DGKI: variants seen among roughly 807,000 people sequenced by gnomAD.
The protein encoded by DGKI is diacylglycerol kinase iota.
In DGKI, 55 loss-of-function variants were observed where a neutral mutation model predicts 147.5. The observed-to-expected ratio is 0.37, with a 90% CI of 0.30 to 0.47. The LOEUF is 0.47. Among genes scored for constraint, DGKI ranks in the 20% least tolerant of loss-of-function variants. DGKI has a pLI of 1.00. For missense variants in DGKI, 1,007 were observed against 1,323.8 expected (o/e 0.76, Z 3.71); for synonymous variants, 469 against 477.1 (o/e 0.98, Z 0.22).
intron 30 of DGKI, among the ~76,000 whole-genome samples, chr7:137,398,681 C>T (rs975145964): frequency 6.6e-6 from 1 of 152,024 alleles, no homozygotes; most frequent in African/African-American, 2.4e-5. Context: ...TTTCATAATT[C>T]TCCTGGTCAT....
chr7:137,498,927 C>G (rs1816070767), intron 21 of DGKI, among the ~76,000 whole-genome samples: 1 of 152,164 alleles, frequency 6.6e-6, no homozygotes, highest in Non-Finnish European at 1.5e-5. Context: ...CAACTTAACA[C>G]CTGCCAAGGA....
intron 1 of DGKI, among the ~76,000 whole-genome samples, chr7:137,742,014 C>T (rs1441610164): frequency 3.3e-5 from 5 of 152,174 alleles, no homozygotes; most frequent in African/African-American, 9.7e-5. Context: ...GTACACAGCA[C>T]GTCCTTAGTG....
chr7:137,497,586 T>A (rs1424170499), intron 21 of DGKI, among the ~76,000 whole-genome samples: 3 of 152,020 alleles, frequency 2.0e-5, no homozygotes, highest in African/African-American at 7.3e-5. Flanking sequence ...GTGGGACATA[T>A]ACACCATGCA....
intron 1 of DGKI, among the ~76,000 whole-genome samples, chr7:137,731,045 A>G (rs1488771475): frequency 6.6e-6 from 1 of 152,020 alleles, no homozygotes; most frequent in Non-Finnish European, 1.5e-5. Context: ...CTCAGCCACA[A>G]TGGCCCTCCT....
intron 15 of DGKI, among the ~76,000 whole-genome samples, chr7:137,580,245 T>C (rs1819141787): frequency 6.6e-6 from 1 of 152,082 alleles, no homozygotes; most frequent in Admixed American, 6.6e-5. Flanking sequence ...AAGCCCAGGA[T>C]CTGGATCCTG....
At chr7:137,560,080 C>T (rs993973718) in intron 19 of DGKI, among the ~76,000 whole-genome samples, 9 of 152,130 alleles carry the variant, frequency 5.9e-5, no homozygotes, top group East Asian at 3.9e-4. Flanking sequence ...TAAGTCACAA[C>T]GAAACACAAT....
intron 3 of DGKI, among the ~76,000 whole-genome samples, chr7:137,665,518 T>C (rs956368992): frequency 6.6e-5 from 10 of 152,330 alleles, no homozygotes; most frequent in Non-Finnish European, 1.2e-4. Flanking sequence ...GAAAACTCAC[T>C]TGATGCTCTT....
At chr7:137,728,694 A>G (rs772252156) in intron 1 of DGKI, among the ~76,000 whole-genome samples, 21 of 152,140 alleles carry the variant, frequency 1.4e-4, no homozygotes, top group Admixed American at 5.2e-4. Context: ...GCTCAGACAG[A>G]TATCACCAGC....
At chr7:137,572,587 C>T (rs1173149677) in intron 18 of DGKI, among the ~76,000 whole-genome samples, 178 bp downstream of exon 18, 1 of 152,102 alleles carries the variant, frequency 6.6e-6, no homozygotes, top group Admixed American at 6.5e-5. Context: ...AACCACCAAC[C>T]ACAAAGAACA....
intron 30 of DGKI, among the ~76,000 whole-genome samples, chr7:137,404,113 T>C (rs1295845098): frequency 1.3e-5 from 2 of 152,328 alleles, no homozygotes; most frequent in African/African-American, 4.8e-5. Flanking sequence ...GTTTTCTGTG[T>C]ACTTGTCTCT....
chr7:137,412,873 C>G (rs1812214266), intron 28 of DGKI, among the ~76,000 whole-genome samples: 1 of 151,952 alleles, frequency 6.6e-6, no homozygotes, highest in Admixed American at 6.6e-5. Flanking sequence ...GAAAAAAAAG[C>G]CTAGAGGTAA....
At chr7:137,578,522 T>C (rs985570434) in intron 15 of DGKI, among the ~76,000 whole-genome samples, 197 bp from the exon 16 acceptor site, 1 of 152,220 alleles carries the variant, frequency 6.6e-6, no homozygotes, top group Admixed American at 6.5e-5. Flanking sequence ...TCCAGGACTA[T>C]AAATGTGTAG....
chr7:137,394,992 A>G (rs1811495963), intron 32 of DGKI, among the ~76,000 whole-genome samples: 1 of 152,214 alleles, frequency 6.6e-6, no homozygotes, highest in Admixed American at 6.5e-5. Context: ...TATAAATGAC[A>G]GTAATTCCCA....
At chr7:137,517,186 A>G (rs1319867957) in intron 21 of DGKI, among the ~76,000 whole-genome samples, 2 of 150,644 alleles carry the variant, frequency 1.3e-5, no homozygotes, top group Non-Finnish European at 1.5e-5. Context: ...CAAGGTCATA[A>G]GAAAAAGAAA....
chr7:137,546,471 C>T (rs1262315236), intron 20 of DGKI, among the ~76,000 whole-genome samples: 1 of 152,180 alleles, frequency 6.6e-6, no homozygotes, highest in African/African-American at 2.4e-5. Flanking sequence ...AAGAGTGTCT[C>T]AACCAAAACT....
At chr7:137,757,051 T>C (rs1795706619) in intron 1 of DGKI, among the ~76,000 whole-genome samples, 1 of 152,232 alleles carries the variant, frequency 6.6e-6, no homozygotes, top group Non-Finnish European at 1.5e-5. Context: ...TCAGTAAACA[T>C]TCTCCAGGAT....
In DGKI at chr7:137,679,990, C is replaced by CAAAAAAAAAAAAA. The variant is rs768437551; in HGVS notation, c.511-1351_511-1339dup. On this transcript the variant is annotated intron_variant, in intron 2 of 32. Transcript: ENST00000614521. ...TGGGCGACAGAGTGAGACTCCATCTCAAAAAAAAAAAAAAAAAAAAAAATT... is the reference window on the plus strand; with the variant it reads ...TGGGCGACAGAGTGAGACTCCATCTCAAAAAAAAAAAAAAAAAAAAAAAAAAAAAAAAAAAATT... Among the ~76,000 whole-genome samples, 3 of 54,076 alleles carry CAAAAAAAAAAAAA rather than the reference C, an allele frequency of 5.5e-5. 1 individual carries two copies. The highest frequency in any genetic ancestry group is 1.9e-4 in the African/African-American group (3 of 16,104). The allele number at this position is 54,076 out of a possible 152,430, so 35.5% of individuals were successfully genotyped here. A position where few individuals can be genotyped will look rare whatever the true frequency, so the allele number is the denominator to read the frequency against.
intron 6 of DGKI, among the ~76,000 whole-genome samples, chr7:137,637,360 T>A (rs772884456): frequency 2.6e-5 from 4 of 152,178 alleles, no homozygotes; most frequent in Non-Finnish European, 4.4e-5. Flanking sequence ...GAGAAGACCA[T>A]GAAAAAGGAA....
chr7:137,462,523 C>T (rs1449604354), intron 27 of DGKI, among the ~76,000 whole-genome samples: 1 of 152,144 alleles, frequency 6.6e-6, no homozygotes, highest in Non-Finnish European at 1.5e-5. Flanking sequence ...ATAATTAGCT[C>T]CAAATTTCTC....
Sources: allele counts gnomAD v4.1 joint callset (sites outside exome capture counted in the v4.1 genomes callset), GRCh38; gene constraint gnomAD v4.1.1; transcripts MANE v1.5; gene names NCBI Gene and HGNC (gene_info 2026-07-23, HGNC 2026-07-21).